Variants in GRIP1 observed in about 807,000 individuals in gnomAD.
GRIP1 encodes glutamate receptor interacting protein 1, also known as glutamate receptor-interacting protein 1.
Under a neutral mutation model 129.9 loss-of-function variants are expected in GRIP1, and 45 were observed. The ratio of observed to expected loss-of-function variants is 0.35; its 90% confidence interval spans 0.27 to 0.44. GRIP1 has a LOEUF of 0.44. GRIP1 is among the 20% of genes least tolerant of loss of function. The probability of loss-of-function intolerance (pLI) is 1.00; values close to 1 mark genes in which losing one functional copy is unlikely to be tolerated. For missense variants in GRIP1, 1,196 were observed against 1,396.8 expected (o/e 0.86, Z 2.29); for synonymous variants, 530 against 520.8 (o/e 1.02, Z -0.24).
At chr12:66,652,749 T>C (rs1386153916) in intron 1 of GRIP1, among the ~76,000 whole-genome samples, 1 of 152,200 alleles carries the variant, frequency 6.6e-6, no homozygotes, top group Non-Finnish European at 1.5e-5. Flanking sequence ...TCCTGCTCTG[T>C]GACCAAAGCT....
chr12:66,987,558 T>G (rs1279111107), intron 1 of GRIP1, among the ~76,000 whole-genome samples: 1 of 152,172 alleles, frequency 6.6e-6, no homozygotes, highest in East Asian at 1.9e-4. Flanking sequence ...AACAGAGATA[T>G]GTCTGCCAGA....
chr12:66,992,095 C>T (rs1291383515), intron 1 of GRIP1, among the ~76,000 whole-genome samples: 3 of 152,084 alleles, frequency 2.0e-5, no homozygotes, highest in Non-Finnish European at 4.4e-5. Context: ...TGTTGAATCT[C>T]GAATCCCATT....
intron 1 of GRIP1, among the ~76,000 whole-genome samples, chr12:66,637,010 G>C (rs762658300): frequency 2.1e-4 from 32 of 152,138 alleles, no homozygotes; most frequent in Non-Finnish European, 4.4e-4. Flanking sequence ...AGGGGACACA[G>C]AACAGTCTGG....
chr12:66,718,975 G>C (rs1052601819), intron 1 of GRIP1, among the ~76,000 whole-genome samples: 4 of 152,054 alleles, frequency 2.6e-5, no homozygotes, highest in Admixed American at 2.6e-4. Context: ...TTGAGATCTA[G>C]ACACCTGCAG....
intron 1 of GRIP1, among the ~76,000 whole-genome samples, chr12:66,929,738 G>T (rs1361143047): frequency 6.6e-6 from 1 of 152,058 alleles, no homozygotes; most frequent in East Asian, 1.9e-4. Context: ...ACCTTATGAG[G>T]ATACTGACAA....
chr12:66,798,327 T>A (rs1292579981), intron 1 of GRIP1, among the ~76,000 whole-genome samples: 1 of 152,126 alleles, frequency 6.6e-6, no homozygotes, highest in Non-Finnish European at 1.5e-5. Flanking sequence ...AAGAGTAATG[T>A]GAATAAAAAG....
chr12:66,734,020 A>G (rs1023606467), intron 1 of GRIP1, among the ~76,000 whole-genome samples: 1 of 152,042 alleles, frequency 6.6e-6, no homozygotes, highest in Non-Finnish European at 1.5e-5. Context: ...CAACTAGGAG[A>G]GGCAAAAAGG....
chr12:66,552,109 G>T (rs1016157980), intron 2 of GRIP1, among the ~76,000 whole-genome samples: 8 of 152,172 alleles, frequency 5.3e-5, no homozygotes, highest in African/African-American at 1.9e-4. Context: ...GCTGAGTTAG[G>T]TCGCTTAGTG....
chr12:66,576,968 C>G (rs955743701), intron 2 of GRIP1, among the ~76,000 whole-genome samples: 5 of 152,152 alleles, frequency 3.3e-5, no homozygotes, highest in African/African-American at 1.2e-4. Context: ...AGTATTACAT[C>G]CAGATCAGGT....
chr12:66,628,642 C>T (rs899316124), intron 1 of GRIP1, among the ~76,000 whole-genome samples: 1 of 152,190 alleles, frequency 6.6e-6, no homozygotes, highest in African/African-American at 2.4e-5. Context: ...AATCAGGGCA[C>T]CTCTCCACCA....
chr12:66,435,766 G>A (rs1234105752), intron 13 of GRIP1, among the ~76,000 whole-genome samples: 1 of 152,108 alleles, frequency 6.6e-6, no homozygotes, highest in East Asian at 1.9e-4. Context: ...GACACTGCAG[G>A]AGATATTATC....
intron 1 of GRIP1, 41 bp from the exon 2 acceptor site, chr12:66,596,968 G>C: frequency 7.7e-7 from 1 of 1,298,938 alleles, no homozygotes; most frequent in Middle Eastern, 1.8e-4. Context: ...TTTCCATCCA[G>C]TTTCTAATGC....
In GRIP1 at chr12:66,440,059, G is replaced by A. The variant is rs569142692; in HGVS notation, c.1687+4525C>T. ...TAAATCTTCATTCTTTTCAACCCTC[G>A]AAGCTGCTGATCTTTTCACCCTTGC... is the stretch of plus-strand genomic sequence containing the variant. On this transcript the variant is annotated intron_variant, in intron 13 of 24. Coordinates refer to ENST00000359742, the MANE Select transcript of GRIP1 (RefSeq NM_001366722.1). Among the ~76,000 whole-genome samples the A allele has an allele frequency of 1.1e-4, 16 of 152,190 alleles. No individual in the cohort carries two copies. The East Asian group carries it at 2.3e-3, about 22-fold the overall frequency.
intron 1 of GRIP1, among the ~76,000 whole-genome samples, chr12:66,764,796 G>A (rs761311777): frequency 1.6e-4 from 24 of 152,150 alleles, no homozygotes; most frequent in Non-Finnish European, 2.2e-4. Context: ...TCTCTTGTCT[G>A]TTTTGCAAAG....
intron 1 of GRIP1, among the ~76,000 whole-genome samples, chr12:66,861,648 A>C (rs929651903): frequency 3.3e-5 from 5 of 152,114 alleles, no homozygotes; most frequent in African/African-American, 1.2e-4. Context: ...TCTTATTACC[A>C]CTGAAGTTTA....
chr12:66,537,990 T>C (rs1032980717), intron 4 of GRIP1, among the ~76,000 whole-genome samples: 4 of 152,218 alleles, frequency 2.6e-5, no homozygotes, highest in Non-Finnish European at 5.9e-5. Context: ...TACCTCCAAT[T>C]AACTGCAGTC....
At chr12:66,888,762 G>A (rs2040608310) in intron 1 of GRIP1, among the ~76,000 whole-genome samples, 1 of 152,202 alleles carries the variant, frequency 6.6e-6, no homozygotes, top group South Asian at 2.1e-4. Context: ...TTTGCTAACA[G>A]GAGCTAAAAT....
At chr12:66,955,834 T>C (rs1185626119) in intron 1 of GRIP1, among the ~76,000 whole-genome samples, 2 of 152,110 alleles carry the variant, frequency 1.3e-5, no homozygotes, top group African/African-American at 4.8e-5. Flanking sequence ...CAAAAAAGGA[T>C]CAATTGGTGA....
intron 1 of GRIP1, among the ~76,000 whole-genome samples, chr12:66,828,457 C>G (rs1474123216): frequency 6.6e-6 from 1 of 152,168 alleles, no homozygotes; most frequent in Admixed American, 6.5e-5. Context: ...TATGAACCAA[C>G]AGCTCACATT....
Sources: allele counts gnomAD v4.1 joint callset (sites outside exome capture counted in the v4.1 genomes callset), GRCh38; gene constraint gnomAD v4.1.1; transcripts MANE v1.5; gene names NCBI Gene and HGNC (gene_info 2026-07-23, HGNC 2026-07-21).